DRC11: variants seen among roughly 807,000 people sequenced by gnomAD.
DRC11 encodes IQ and AAA domain-containing protein 1.
the DRC11 span, among the ~76,000 whole-genome samples, chr2:236,471,179 C>T: frequency 4.6e-5 from 7 of 152,170 alleles, no homozygotes. This position sits in a 1 kb window ranked among gnomAD's most constrained non-coding sequence, Gnocchi z 4.6. Context: ...TCCAGGGTCA[C>T]ACAGCCAGGA....
the DRC11 span, among the ~76,000 whole-genome samples, chr2:236,343,450 G>T: frequency 6.6e-6 from 1 of 152,232 alleles, no homozygotes; most frequent in Non-Finnish European, 1.5e-5. This position sits in a 1 kb window ranked among gnomAD's most constrained non-coding sequence, Gnocchi z 6.6. Context: ...GCTCAGAGAG[G>T]TTAAGTTACT....
At chr2:236,492,104 C>T in the DRC11 span, among the ~76,000 whole-genome samples, 1 of 152,312 alleles carries the variant, frequency 6.6e-6, no homozygotes, top group East Asian at 1.9e-4. Flanking sequence ...GATGCAACTC[C>T]TCAATACTGG....
the DRC11 span, among the ~76,000 whole-genome samples, chr2:236,424,020 G>T: frequency 7.4e-6 from 1 of 135,892 alleles, no homozygotes; most frequent in Non-Finnish European, 1.5e-5. Context: ...ATGGACACAG[G>T]AAGGGGAACA....
the DRC11 span, among the ~76,000 whole-genome samples, chr2:236,322,284 T>G: frequency 1.7e-4 from 25 of 147,870 alleles, no homozygotes; most frequent in Admixed American, 1.0e-3. Flanking sequence ...GCCCAGGCTG[T>G]AGTGCAGTGG....
chr2:236,449,425 G>A, the DRC11 span, among the ~76,000 whole-genome samples: 2 of 152,344 alleles, frequency 1.3e-5, no homozygotes, highest in Admixed American at 6.5e-5. The surrounding 1 kb of genome is among the most constrained non-coding windows in gnomAD (Gnocchi z 5.1). Flanking sequence ...TTTTGTCCAC[G>A]GGGTGTTTGC....
the DRC11 span, chr2:236,399,389 C>A: frequency 6.3e-7 from 1 of 1,589,714 alleles, no homozygotes; most frequent in East Asian, 2.2e-5. This position sits in a 1 kb window ranked among gnomAD's most constrained non-coding sequence, Gnocchi z 7.0. Context: ...GTCTTGGTGA[C>A]CATGCACGTT....
At chr2:236,493,110 A>G in the DRC11 span, among the ~76,000 whole-genome samples, 15 of 152,242 alleles carry the variant, frequency 9.9e-5, no homozygotes, top group East Asian at 7.7e-4. Context: ...CAATCATGGC[A>G]GAAGGTGAAA....
the DRC11 span, among the ~76,000 whole-genome samples, chr2:236,402,780 G>C: frequency 6.6e-6 from 1 of 152,164 alleles, no homozygotes; most frequent in Admixed American, 6.5e-5. This position sits in a 1 kb window ranked among gnomAD's most constrained non-coding sequence, Gnocchi z 6.0. Flanking sequence ...GCTCCCAAGA[G>C]ACCCAGGCAT....
chr2:236,502,548 CAAAAAAAAA>C, the DRC11 span, among the ~76,000 whole-genome samples: 9 of 15,088 alleles, frequency 6.0e-4, no homozygotes, highest in Non-Finnish European at 8.9e-4. Flanking sequence ...TGCACTCCAG[CAAAAAAAAA>C]AAAAAAAAAA....
chr2:236,421,385 C>A, the DRC11 span, among the ~76,000 whole-genome samples: 1 of 152,104 alleles, frequency 6.6e-6, no homozygotes, highest in Admixed American at 6.6e-5. Flanking sequence ...GATATCACCA[C>A]CGACCCCACA....
chr2:236,426,210 T>C, the DRC11 span, among the ~76,000 whole-genome samples: 2 of 152,072 alleles, frequency 1.3e-5, no homozygotes, highest in South Asian at 4.1e-4. The surrounding 1 kb of genome is among the most constrained non-coding windows in gnomAD (Gnocchi z 4.1). Context: ...ACTGAATCTA[T>C]AGATCACTTT....
At chr2:236,357,600 TA>T in the DRC11 span, among the ~76,000 whole-genome samples, 3 of 126,148 alleles carry the variant, frequency 2.4e-5, no homozygotes, top group Non-Finnish European at 4.6e-5. Flanking sequence ...TGCATTTATG[TA>T]AATATATATT....
At chr2:236,496,145 A>G in the DRC11 span, among the ~76,000 whole-genome samples, 1 of 152,200 alleles carries the variant, frequency 6.6e-6, no homozygotes, top group East Asian at 1.9e-4. The surrounding 1 kb of genome is among the most constrained non-coding windows in gnomAD (Gnocchi z 6.3). Context: ...TTTAGTGAGT[A>G]AAGTGCACCA....
chr2:236,359,652 C>G, the DRC11 span, among the ~76,000 whole-genome samples: 1 of 152,294 alleles, frequency 6.6e-6, no homozygotes, highest in African/African-American at 2.4e-5. The surrounding 1 kb of genome is among the most constrained non-coding windows in gnomAD (Gnocchi z 4.3). Context: ...TCACACGGCA[C>G]AGTCAGGCCC....
chr2:236,352,235 G>A, the DRC11 span, among the ~76,000 whole-genome samples: 1 of 152,150 alleles, frequency 6.6e-6, no homozygotes, highest in Non-Finnish European at 1.5e-5. The surrounding 1 kb of genome is among the most constrained non-coding windows in gnomAD (Gnocchi z 7.0). Context: ...TGGCCAGAGA[G>A]TTTGGTAATG....
At chr2:236,407,510 C>G in the DRC11 span, among the ~76,000 whole-genome samples, 549 of 152,170 alleles carry the variant, frequency 3.6e-3, 3 homozygotes, top group African/African-American at 0.012. Context: ...GCTCCATAAC[C>G]AAAGGAACCA....
chr2:236,497,017 G>A, the DRC11 span: 1 of 657,686 alleles, frequency 1.5e-6, no homozygotes, highest in Non-Finnish European at 2.6e-6. The surrounding 1 kb of genome is among the most constrained non-coding windows in gnomAD (Gnocchi z 5.1). Context: ...ACAGCATGGT[G>A]TAATTGAAGG....
At chr2:236,493,496 A>T in the DRC11 span, among the ~76,000 whole-genome samples, 1 of 152,260 alleles carries the variant, frequency 6.6e-6, no homozygotes, top group Non-Finnish European at 1.5e-5. Flanking sequence ...GAAACATTAA[A>T]CTGCGTTGAT....
the DRC11 span, among the ~76,000 whole-genome samples, chr2:236,357,057 T>TATA: frequency 0.081 from 3,388 of 41,730 alleles, 463 homozygotes; most frequent in African/African-American, 0.16. Context: ...TATATATCTA[T>TATA]TTATATATTC....
Sources: allele counts gnomAD v4.1 joint callset (sites outside exome capture counted in the v4.1 genomes callset), GRCh38; gene constraint gnomAD v4.1.1; non-coding constraint Gnocchi (gnomAD v3.1); transcripts MANE v1.5; gene names NCBI Gene and HGNC (gene_info 2026-07-23, HGNC 2026-07-21).